The following TMCO4 variants were observed in gnomAD, a reference collection of about 807,000 sequenced individuals.
TMCO4 encodes transmembrane and coiled-coil domain-containing protein 4.
In TMCO4, 58 loss-of-function variants were observed where a neutral mutation model predicts 64.7. The ratio of observed to expected loss-of-function variants is 0.90; its 90% CI spans 0.73 to 1.12. TMCO4 has a LOEUF of 1.12. Ranked by LOEUF, TMCO4 falls within the 50% of genes most tolerant of loss-of-function variation. The pLI is 0.00. For missense variants in TMCO4, 780 were observed against 825.9 expected (o/e 0.94, Z 0.68); for synonymous variants, 325 against 346.1 (o/e 0.94, Z 0.68).
chr1:19,733,266 CA>C (rs1039380561), intron 13 of TMCO4, among the ~76,000 whole-genome samples: 37 of 148,474 alleles, frequency 2.5e-4, no homozygotes, highest in Admixed American at 5.4e-4. Flanking sequence ...AACTCCGTCT[CA>C]AAAAAAAAAA....
chr1:19,777,385 T>C (rs1199735268), intron 4 of TMCO4, among the ~76,000 whole-genome samples: 1 of 150,152 alleles, frequency 6.7e-6, no homozygotes, highest in East Asian at 2.0e-4. Flanking sequence ...TCTCACCCTG[T>C]CACCCAGGCA....
chr1:19,746,565 G>A lies in TMCO4; in HGVS notation c.648C>T (p.Ala216=), dbSNP rs370911560. 1.2e-5 allele frequency: 19 copies of A among 1,610,762 alleles called. No individual in the cohort carries two copies. The highest frequency in any genetic ancestry group is 1.1e-4 in the South Asian group (10 of 90,394). The change falls in exon 9 of 16, where the codon GCC becomes GCT. Residue 216 remains alanine, a synonymous_variant. Coordinates refer to ENST00000294543, the MANE Select transcript of TMCO4 (RefSeq NM_181719.7). ...VTGGLAAPLV[A]AGAATIIGSA... ...TGCCAATAATCGTCGCTGCTCCAGCGGCAACAAGGGGTGCAGCTAGACCTC... is the reference window on the plus strand; with the variant it reads ...TGCCAATAATCGTCGCTGCTCCAGCAGCAACAAGGGGTGCAGCTAGACCTC...
At chr1:19,693,025 T>C (rs777729556) in intron 15 of TMCO4, among the ~76,000 whole-genome samples, 9 of 149,946 alleles carry the variant, frequency 6.0e-5, no homozygotes, top group Admixed American at 1.3e-4. Context: ...TACAAAAAAT[T>C]AGCTAGATGT....
intron 15 of TMCO4, among the ~76,000 whole-genome samples, chr1:19,685,984 C>T (rs1326214750): frequency 1.3e-5 from 2 of 152,108 alleles, no homozygotes; most frequent in Non-Finnish European, 2.9e-5. Flanking sequence ...ACCTCGGCCT[C>T]CCAAAGTGCT....
chr1:19,708,385 A>T lies in TMCO4; in HGVS notation c.1265-7500T>A, dbSNP rs189922894. Among the ~76,000 whole-genome samples the T allele has an allele frequency of 4.7e-5, 7 of 148,236 alleles. No individual in the cohort carries two copies. In the East Asian group the frequency reaches 7.9e-4, roughly 17 times the overall value. ...GTCTGGAAATTATCTTAGCTTTTTA[A>T]AAAAAAAATACATAAATAAAAAAAA... On this transcript the variant is annotated intron_variant, in intron 13 of 15. Coordinates refer to ENST00000294543, the MANE Select transcript of TMCO4 (RefSeq NM_181719.7).
In TMCO4 at chr1:19,734,813, T is replaced by C. The variant is rs537635451; in HGVS notation, c.1264+2559A>G. On this transcript the variant is annotated intron_variant, in intron 13 of 15. Transcript: ENST00000294543. This position sits in a 1 kb window ranked among gnomAD's most constrained non-coding sequence, Gnocchi z 4.4. The stretch of plus-strand genomic sequence containing the variant: ...ATCCTGGCTCTGGCACTTAGGATTC[T>C]TGTGGCTTCACCTCTCAGCCTCAGT... Among the ~76,000 whole-genome samples, 1 of 152,278 alleles carries C rather than the reference T, an allele frequency of 6.6e-6. No individual in the cohort carries two copies. The highest frequency in any genetic ancestry group is 2.1e-4 in the South Asian group (1 of 4,828).
At chr1:19,748,341 G>A (rs1030998782) in intron 7 of TMCO4, among the ~76,000 whole-genome samples, 1 of 152,150 alleles carries the variant, frequency 6.6e-6, no homozygotes, top group African/African-American at 2.4e-5. Flanking sequence ...TGGCTTGTAA[G>A]GATTAAATTC....
chr1:19,745,645 T>C lies in TMCO4; in HGVS notation c.764A>G (p.Lys255Arg). The change falls in exon 10 of 16, where the codon AAG becomes AGG. Residue 255 changes from lysine to arginine, a missense_variant. Transcript: ENST00000294543. Reference sequence around the variant, plus strand: ...AATGGCTCCCACTCGCTTCTTCATCTTGTATCCTAAAGACCCAGATCCGAG... The same window carrying C: ...AATGGCTCCCACTCGCTTCTTCATCCTGTATCCTAAAGACCCAGATCCGAG... ...GAAGAGLTGYKMKKRVGAIEE... is the reference protein window; with the variant it reads ...GAAGAGLTGYRMKKRVGAIEE... The C allele has an allele frequency of 6.2e-7, 1 of 1,610,218 alleles. No homozygotes were observed.
rs765409545 is a variant in TMCO4, at chr1:19,747,272, G to C, written c.516-12C>G. 2.5e-6 allele frequency: 4 copies of C among 1,611,614 alleles called. No individual in the cohort carries two copies. The South Asian group carries it at 3.3e-5, about 13-fold the overall frequency. The stretch of plus-strand genomic sequence containing the variant: ...ATGCCTCGGCCATTCTGAGGGAAAA[G>C]AGGCTGGTCTTTAGGGCCAGCTGTG... On this transcript the variant is annotated splice_polypyrimidine_tract_variant and intron_variant, in intron 7 of 15. Transcript: ENST00000294543.
chr1:19,789,387 C>A (rs112552626), intron 2 of TMCO4, among the ~76,000 whole-genome samples: 1,527 of 151,964 alleles, frequency 0.01, 16 homozygotes, highest in South Asian at 0.028. Context: ...CCAGCCTGGG[C>A]GACACAGTGA....
At chr1:19,778,889 G>C (rs1340404786) in intron 4 of TMCO4, among the ~76,000 whole-genome samples, 1 of 152,192 alleles carries the variant, frequency 6.6e-6, no homozygotes, top group Non-Finnish European at 1.5e-5. Flanking sequence ...GACTGGAGGG[G>C]TAGCAGGTAT....
chr1:19,760,660 G>A (rs993683100), intron 6 of TMCO4, among the ~76,000 whole-genome samples: 1 of 152,190 alleles, frequency 6.6e-6, no homozygotes, highest in Non-Finnish European at 1.5e-5. Flanking sequence ...GAGCCACTGT[G>A]ACCAGCCATT....
At chr1:19,756,005 G>T (rs537340283) in intron 6 of TMCO4, among the ~76,000 whole-genome samples, 9 of 152,228 alleles carry the variant, frequency 5.9e-5, no homozygotes, top group African/African-American at 1.9e-4. Context: ...CCAGCACTTC[G>T]GGGGGCTGAG....
In TMCO4 at chr1:19,786,465, G is replaced by T. The variant is rs528599345; in HGVS notation, c.-9+561C>A. On this transcript the variant is annotated intron_variant, in intron 3 of 15. Transcript: ENST00000294543. ...GTGGGGTGGGCACGTCTTTGACAAA[G>T]GGAAAAGCATGTGTCAAGACCCAGA... Among the ~76,000 whole-genome samples, 10 of 152,264 alleles carry T rather than the reference G, an allele frequency of 6.6e-5. No individual in the cohort carries two copies. In the East Asian group the frequency reaches 1.2e-3, roughly 18 times the overall value.
intron 14 of TMCO4, among the ~76,000 whole-genome samples, chr1:19,700,125 AGT>A (rs1255911064): frequency 1.3e-5 from 2 of 152,150 alleles, no homozygotes; most frequent in African/African-American, 4.8e-5. Context: ...CCTGCCCCAA[AGT>A]CTGAGTCACA....
At chr1:19,702,254 C>T (rs1377691850) in intron 13 of TMCO4, among the ~76,000 whole-genome samples, 1 of 141,564 alleles carries the variant, frequency 7.1e-6, no homozygotes, top group Non-Finnish European at 1.5e-5. Flanking sequence ...CAGGCGTGAG[C>T]CACCGTGCCT....
rs751081167 is a variant in TMCO4, at chr1:19,755,752, G to A, written c.397C>T (p.Arg133Trp). Residue 133 changes from arginine (R) to tryptophan (W), a missense_variant, in exon 7 of 16, where the codon CGG becomes TGG. Coordinates refer to ENST00000294543, the MANE Select transcript of TMCO4 (RefSeq NM_181719.7). ...FSLKDGHYDARARVLVCHMTS... is the reference protein window; with the variant it reads ...FSLKDGHYDAWARVLVCHMTS... ...ATGTGGCAAACGAGGACTCTGGCCC[G>A]GGCGTCATAGTGCCCTCGAAAGACA... 63 of 1,613,916 alleles carry A rather than the reference G, an allele frequency of 3.9e-5. No homozygotes were observed. The highest frequency in any genetic ancestry group is 4.8e-5 in the Non-Finnish European group (57 of 1,180,004).
chr1:19,760,584 T>C (rs1203365022), intron 6 of TMCO4, among the ~76,000 whole-genome samples: 1 of 152,118 alleles, frequency 6.6e-6, no homozygotes, highest in African/African-American at 2.4e-5. Context: ...GCTCTGATAA[T>C]ATATATATAT....
intron 15 of TMCO4, among the ~76,000 whole-genome samples, chr1:19,693,551 T>C (rs6689496): frequency 0.8 from 122,292 of 152,144 alleles, 49,373 homozygotes; most frequent in African/African-American, 0.85. Context: ...GCCCTCCCAC[T>C]CCATTCACTG....
Sources: allele counts gnomAD v4.1 joint callset (sites outside exome capture counted in the v4.1 genomes callset), GRCh38; gene constraint gnomAD v4.1.1; non-coding constraint Gnocchi (gnomAD v3.1); transcripts MANE v1.5; gene names NCBI Gene and HGNC (gene_info 2026-07-23, HGNC 2026-07-21).